ITFG1: variants seen among roughly 807,000 people sequenced by gnomAD.
ITFG1 encodes T-cell immunomodulatory protein.
Under a neutral mutation model 81.8 loss-of-function variants are expected in ITFG1, and 34 were observed. The observed-to-expected ratio is 0.42, with a 90% confidence interval of 0.32 to 0.55. ITFG1 has a LOEUF of 0.55. Among genes scored for constraint, ITFG1 ranks in the 20% least tolerant of loss-of-function variants. The pLI is 0.17. For synonymous variants in ITFG1, 285 were observed against 270.6 expected (o/e 1.05, Z -0.52); for missense variants, 672 against 755.4 (o/e 0.89, Z 1.29).
intron 8 of ITFG1, among the ~76,000 whole-genome samples, chr16:47,348,442 C>G (rs1271737078): frequency 6.6e-6 from 1 of 152,050 alleles, no homozygotes; most frequent in African/African-American, 2.4e-5. Context: ...ATTCCATTAA[C>G]TGGAAGAAAG....
chr16:47,454,773 C>A (rs1044127029), intron 2 of ITFG1, among the ~76,000 whole-genome samples: 9 of 151,798 alleles, frequency 5.9e-5, no homozygotes, highest in African/African-American at 2.2e-4. Flanking sequence ...TTTTTATTAA[C>A]AAAATAATTC....
At chr16:47,289,273 C>G (rs375330140) in intron 10 of ITFG1, among the ~76,000 whole-genome samples, 22 of 152,298 alleles carry the variant, frequency 1.4e-4, no homozygotes, top group African/African-American at 5.1e-4. Flanking sequence ...CTCAGGACTT[C>G]TGCATCTCAA....
intron 14 of ITFG1, among the ~76,000 whole-genome samples, chr16:47,184,310 C>T (rs1005340848): frequency 1.4e-4 from 22 of 152,034 alleles, no homozygotes; most frequent in Non-Finnish European, 3.1e-4. Flanking sequence ...AAGAGCAACT[C>T]CAGGACACAT....
At chr16:47,443,769 C>T (rs1263282651) in intron 5 of ITFG1, among the ~76,000 whole-genome samples, 3 of 152,014 alleles carry the variant, frequency 2.0e-5, no homozygotes, top group East Asian at 1.9e-4. Flanking sequence ...GATGGGGGAG[C>T]GATAGCATTA....
At chr16:47,242,297 C>A (rs1965944073) in intron 12 of ITFG1, among the ~76,000 whole-genome samples, 1 of 147,748 alleles carries the variant, frequency 6.8e-6, no homozygotes. Context: ...CAAAGGATTT[C>A]AAGAAGCAAT....
At chr16:47,174,338 G>C (rs920504707) in intron 14 of ITFG1, among the ~76,000 whole-genome samples, 8 of 151,880 alleles carry the variant, frequency 5.3e-5, no homozygotes, top group African/African-American at 1.9e-4. Flanking sequence ...ACATCTATTT[G>C]TCAAAAATAG....
At chr16:47,351,290 A>G (rs1326132347) in intron 8 of ITFG1, among the ~76,000 whole-genome samples, 2 of 152,252 alleles carry the variant, frequency 1.3e-5, no homozygotes, top group Non-Finnish European at 2.9e-5. Flanking sequence ...TGCAGATGAC[A>G]TGATTGTACA....
At chr16:47,376,083 T>C (rs938196423) in intron 6 of ITFG1, 143 bp from the exon 7 acceptor site, 5 of 523,726 alleles carry the variant, frequency 9.5e-6, no homozygotes, top group Non-Finnish European at 1.4e-5. Flanking sequence ...ACAAGTTTCA[T>C]CCCATTAAAA....
chr16:47,314,740 TG>T (rs1382566242), intron 8 of ITFG1, among the ~76,000 whole-genome samples: 9 of 152,314 alleles, frequency 5.9e-5, no homozygotes, highest in African/African-American at 2.2e-4. Flanking sequence ...TTTTTTAATT[TG>T]GGGATTGATT....
intron 1 of ITFG1, 42 bp from the exon 2 acceptor site, chr16:47,459,217 A>G (rs1567263949): frequency 1.6e-6 from 2 of 1,275,570 alleles, no homozygotes; most frequent in East Asian, 2.3e-5. Context: ...ATGTTTGTTG[A>G]TAAGATATCT....
chr16:47,403,139 G>A (rs1968683325), intron 6 of ITFG1, among the ~76,000 whole-genome samples: 1 of 151,688 alleles, frequency 6.6e-6, no homozygotes, highest in African/African-American at 2.4e-5. Context: ...AGTATTTATA[G>A]AATTTGCCCC....
At chr16:47,190,977 C>G (rs1427048626) in intron 14 of ITFG1, among the ~76,000 whole-genome samples, 2 of 152,034 alleles carry the variant, frequency 1.3e-5, no homozygotes, top group African/African-American at 4.8e-5. Context: ...ATCTCAGGGC[C>G]ACACTCCAAG....
chr16:47,316,983 C>T (rs979932715), intron 8 of ITFG1, among the ~76,000 whole-genome samples: 1 of 152,156 alleles, frequency 6.6e-6, no homozygotes, highest in South Asian at 2.1e-4. Flanking sequence ...TCAGTAAATA[C>T]GTATCTCAGG....
intron 10 of ITFG1, among the ~76,000 whole-genome samples, chr16:47,281,611 G>C (rs1022371310): frequency 2.6e-5 from 4 of 152,134 alleles, no homozygotes; most frequent in Non-Finnish European, 5.9e-5. Flanking sequence ...TTGATAGTGT[G>C]TGGTTTTCAA....
At chr16:47,188,004 A>G (rs1484822716) in intron 14 of ITFG1, among the ~76,000 whole-genome samples, 4 of 152,180 alleles carry the variant, frequency 2.6e-5, no homozygotes, top group Non-Finnish European at 2.9e-5. Flanking sequence ...CAAAAAACAC[A>G]TGAAAAAATG....
At chr16:47,340,602 A>C (rs1967767833) in intron 8 of ITFG1, among the ~76,000 whole-genome samples, 3 of 152,212 alleles carry the variant, frequency 2.0e-5, no homozygotes, top group Admixed American at 2.0e-4. Flanking sequence ...TAAAAGGAGG[A>C]AACGAAAGAG....
intron 14 of ITFG1, among the ~76,000 whole-genome samples, chr16:47,169,477 CT>C (rs1165920918): frequency 6.9e-6 from 1 of 145,868 alleles, no homozygotes; most frequent in Non-Finnish European, 1.5e-5. Flanking sequence ...TTTTTTTTTT[CT>C]TTTTTAAAAA....
At chr16:47,324,441 T>C (rs546839221) in intron 8 of ITFG1, among the ~76,000 whole-genome samples, 16 of 152,060 alleles carry the variant, frequency 1.1e-4, no homozygotes, top group Non-Finnish European at 2.2e-4. Context: ...ACAAGCAAAA[T>C]AGCCAGCTAA....
At chr16:47,292,643 T>C (rs929509152) in intron 10 of ITFG1, among the ~76,000 whole-genome samples, 1 of 152,196 alleles carries the variant, frequency 6.6e-6, no homozygotes, top group Non-Finnish European at 1.5e-5. Flanking sequence ...AGTAACTTCT[T>C]ATCCCTCAAC....
Sources: gnomAD v4.1 joint callset for allele counts (sites outside exome capture counted in the v4.1 genomes callset) on GRCh38, gnomAD v4.1.1 for gene constraint, MANE v1.5 for transcripts, NCBI Gene and HGNC (gene_info 2026-07-23, HGNC 2026-07-21) for gene names.